SPIRE1: variants seen among roughly 807,000 people sequenced by gnomAD.
The protein encoded by SPIRE1 is spire type actin nucleation factor 1.
A neutral mutation model predicts 94.1 loss-of-function variants in SPIRE1; 40 were observed. The ratio of observed to expected loss-of-function variants is 0.43; its 90% CI spans 0.33 to 0.55. The LOEUF is 0.55. Ranked by LOEUF, SPIRE1 falls within the 20% of genes least tolerant of loss-of-function variation. The probability of loss-of-function intolerance (pLI) is 0.06; values close to 1 mark genes in which losing one functional copy is unlikely to be tolerated. For missense variants in SPIRE1, 838 were observed against 975.2 expected (o/e 0.86, Z 1.87); for synonymous variants, 376 against 371.7 (o/e 1.01, Z -0.13).
chr18:12,648,573 C>T (rs546926353), intron 1 of SPIRE1, among the ~76,000 whole-genome samples: 5 of 152,008 alleles, frequency 3.3e-5, no homozygotes, highest in Admixed American at 1.3e-4. Flanking sequence ...TATGGTATCT[C>T]GAATGGGATT....
intron 1 of SPIRE1, among the ~76,000 whole-genome samples, chr18:12,641,646 C>T (rs1458303080): frequency 6.6e-6 from 1 of 151,654 alleles, no homozygotes; most frequent in African/African-American, 2.4e-5. Flanking sequence ...GGATTACAGG[C>T]GTGAGCCACC....
chr18:12,466,751 G>A (rs1357307320), intron 10 of SPIRE1, among the ~76,000 whole-genome samples: 2 of 152,106 alleles, frequency 1.3e-5, no homozygotes, highest in East Asian at 1.9e-4. Flanking sequence ...TGTGCAGGAT[G>A]TGTGGGTTTG....
At chr18:12,522,935 A>C (rs1773109924) in intron 4 of SPIRE1, among the ~76,000 whole-genome samples, 1 of 152,228 alleles carries the variant, frequency 6.6e-6, no homozygotes, top group Non-Finnish European at 1.5e-5. Flanking sequence ...AGCCCCATGG[A>C]CCAAGGAATA....
In SPIRE1 at chr18:12,493,157, G is replaced by C; in HGVS notation, c.1104C>G (p.Ser368Arg). 3 of 1,613,768 alleles carry C rather than the reference G, an allele frequency of 1.9e-6. No individual in the cohort carries two copies. The highest frequency in any genetic ancestry group is 2.5e-6 in the Non-Finnish European group (3 of 1,179,960). ...TTTCTTCTAATATTCTTTCATGGAG[G>C]CTCCGTGGCCGTGGTGGAGTTGGTT... ...KLKPTPPRPRSLHERILEEIK... is the reference protein window; with the variant it reads ...KLKPTPPRPRRLHERILEEIK... The change falls in exon 8 of 17, where the codon AGC becomes AGG. Residue 368 changes from serine (S) to arginine (R), a missense_variant. Ser to Arg is a moderately radical substitution (Grantham distance 110). Transcript: ENST00000409402.
chr18:12,548,604 CT>C (rs59811774), intron 2 of SPIRE1, among the ~76,000 whole-genome samples: 12,104 of 144,120 alleles, frequency 0.084, 574 homozygotes, highest in Middle Eastern at 0.16. Flanking sequence ...TCTTTTCTTT[CT>C]TTTTTTTTTT....
At chr18:12,635,013 C>G (rs1253625422) in intron 2 of SPIRE1, 49 bp downstream of exon 2, 3 of 1,095,512 alleles carry the variant, frequency 2.7e-6, no homozygotes, top group Non-Finnish European at 2.7e-6. Flanking sequence ...TTAGTCTAAA[C>G]AGGACTGCAA....
intron 2 of SPIRE1, among the ~76,000 whole-genome samples, chr18:12,623,445 G>C (rs550424471): frequency 5.9e-5 from 9 of 151,710 alleles, no homozygotes; most frequent in African/African-American, 1.9e-4. Context: ...AAGCCACTGC[G>C]CCTGGCCAAC....
intron 4 of SPIRE1, among the ~76,000 whole-genome samples, chr18:12,527,918 T>C (rs547842050): frequency 2.0e-5 from 3 of 151,962 alleles, no homozygotes; most frequent in African/African-American, 7.2e-5. Context: ...TACAAAAAAT[T>C]AGCCGGGCGT....
At chr18:12,498,907 C>T (rs986667388) in intron 6 of SPIRE1, among the ~76,000 whole-genome samples, 5 of 152,080 alleles carry the variant, frequency 3.3e-5, no homozygotes, top group Admixed American at 6.6e-5. Context: ...GGTGTAATCC[C>T]AACTGCACCC....
At chr18:12,531,287 A>G (rs1180188259) in intron 4 of SPIRE1, among the ~76,000 whole-genome samples, 1 of 152,082 alleles carries the variant, frequency 6.6e-6, no homozygotes, top group East Asian at 1.9e-4. Context: ...TAACACCAGC[A>G]TGTGCATGCC....
At chr18:12,595,915 TGC>T (rs2036659295) in intron 2 of SPIRE1, among the ~76,000 whole-genome samples, 1 of 152,116 alleles carries the variant, frequency 6.6e-6, no homozygotes, top group Non-Finnish European at 1.5e-5. Context: ...TTGACCTATT[TGC>T]CACAAGAAAA....
At chr18:12,467,670 G>A (rs551038651) in intron 10 of SPIRE1, among the ~76,000 whole-genome samples, 5 of 152,164 alleles carry the variant, frequency 3.3e-5, no homozygotes, top group East Asian at 1.9e-4. Flanking sequence ...TTTTAAAGTC[G>A]GCTGGGCACA....
At chr18:12,469,641 T>C (rs2032265506) in intron 10 of SPIRE1, among the ~76,000 whole-genome samples, 1 of 144,584 alleles carries the variant, frequency 6.9e-6, no homozygotes, top group African/African-American at 2.5e-5. Flanking sequence ...TTTATATTTA[T>C]ATAAATATAT....
intron 2 of SPIRE1, among the ~76,000 whole-genome samples, chr18:12,591,967 T>TA (rs2036547872): frequency 4.8e-5 from 2 of 41,554 alleles, no homozygotes; most frequent in East Asian, 8.1e-4. Context: ...AGACTCCATC[T>TA]CAAAAAAAAA....
chr18:12,559,611 G>T lies in SPIRE1; in HGVS notation c.373-12707C>A, dbSNP rs1045641499. 6.6e-6 allele frequency among the ~76,000 whole-genome samples: 1 copy of T among 152,198 alleles called. No homozygotes were observed. Among genetic ancestry groups the T allele is most frequent in the Non-Finnish European group, 1.5e-5 (1 of 68,030 alleles). Reference sequence around the variant, plus strand: ...CGTGGCCTGAGGAGGTGCCAAGAGCGAGCGAGGGCTGCTAGCACGTTGTCA... The same window carrying T: ...CGTGGCCTGAGGAGGTGCCAAGAGCTAGCGAGGGCTGCTAGCACGTTGTCA... On this transcript the variant is annotated intron_variant, in intron 2 of 16. Transcript: ENST00000409402. The surrounding 1 kb of genome is among the most constrained non-coding windows in gnomAD (Gnocchi z 4.7).
At chr18:12,583,337 C>T (rs928045907) in intron 2 of SPIRE1, among the ~76,000 whole-genome samples, 2 of 152,070 alleles carry the variant, frequency 1.3e-5, no homozygotes, top group African/African-American at 4.8e-5. Flanking sequence ...GGTATGGTGG[C>T]GCAAGCCTGT....
chr18:12,658,000 G>A lies in SPIRE1; in HGVS notation c.-134C>T, dbSNP rs560600230. On this transcript the variant is annotated 5_prime_UTR_variant, in exon 1 of 17. Transcript: ENST00000409402. Reference sequence around the variant, plus strand: ...GCCCAACGCGGCCGCGCGCGCCGCCGCCGGGACCAGGCGAGTGCCCGGGAG... The same window carrying A: ...GCCCAACGCGGCCGCGCGCGCCGCCACCGGGACCAGGCGAGTGCCCGGGAG... The A allele has an allele frequency of 3.5e-4, 350 of 994,384 alleles. No individual in the cohort carries two copies. Among genetic ancestry groups the A allele is most frequent in the Non-Finnish European group, 4.1e-4 (341 of 837,274 alleles). The allele number at this position is 994,384 out of a possible 1,614,324, so 61.6% of individuals were successfully genotyped here.
At chr18:12,533,407 CA>C (rs11359679) in intron 4 of SPIRE1, among the ~76,000 whole-genome samples, 4 of 152,040 alleles carry the variant, frequency 2.6e-5, no homozygotes, top group African/African-American at 9.7e-5. Flanking sequence ...TAATCAAGAG[CA>C]AAAAATTTTT....
intron 4 of SPIRE1, among the ~76,000 whole-genome samples, chr18:12,518,375 C>A (rs549559312): frequency 1.3e-5 from 2 of 152,112 alleles, no homozygotes; most frequent in African/African-American, 4.8e-5. Flanking sequence ...CAACTTTAAT[C>A]CCAGCACTTT....
Sources: allele counts gnomAD v4.1 joint callset (sites outside exome capture counted in the v4.1 genomes callset), GRCh38; gene constraint gnomAD v4.1.1; non-coding constraint Gnocchi (gnomAD v3.1); transcripts MANE v1.5; gene names NCBI Gene and HGNC (gene_info 2026-07-23, HGNC 2026-07-21).